AMMECR1: variants seen among roughly 807,000 people sequenced by gnomAD.
AMMECR1 encodes AMMECR nuclear protein 1, also known as nuclear protein AMMECR1.
AMMECR1 carries 3 observed loss-of-function variants against 22.5 expected under a neutral mutation model. The observed-to-expected ratio is 0.13, with a 90% CI of 0.06 to 0.35. The LOEUF is 0.35. Ranked by LOEUF, AMMECR1 falls within the 10% of genes least tolerant of loss-of-function variation. The pLI is 1.00. For missense variants in AMMECR1, 235 were observed against 278.7 expected, an observed-to-expected ratio of 0.84 and a Z score of 1.12; for synonymous variants, 130 against 116.7, an observed-to-expected ratio of 1.11 and a Z score of -0.74.
At chrX:110,379,662 A>G (rs1007336470) in intron 2 of AMMECR1, among the ~76,000 whole-genome samples, 43 of 112,388 alleles carry the variant, frequency 3.8e-4, no homozygotes, top group Admixed American at 1.1e-3. Context: ...ACACACATGC[A>G]CATGCACATG....
chrX:110,194,403 G>A lies in AMMECR1; in HGVS notation c.*4117C>T, dbSNP rs914279107. The A allele has an allele frequency of 5.4e-5, 6 of 111,634 alleles. No homozygotes were observed. The highest frequency in any genetic ancestry group is 2.0e-4 in the African/African-American group (6 of 30,661). 9.2% of individuals were successfully genotyped at this position (111,634 alleles called of 1,213,427 possible). On this transcript the variant is annotated 3_prime_UTR_variant, in exon 6 of 6. Transcript: ENST00000262844. ...ACTATTAAGCAATTAAATGTGGAAG[G>A]AAGGAGGGCCTAGTTATACTGGAAG... is the stretch of plus-strand genomic sequence containing the variant.
chrX:110,207,306 A>G (rs769631792), intron 3 of AMMECR1, among the ~76,000 whole-genome samples: 1 of 111,617 alleles, frequency 9.0e-6, no homozygotes, highest in Admixed American at 9.5e-5. Flanking sequence ...TCTTGAACTT[A>G]TTGCCCCACA....
At chrX:110,335,205 C>T (rs756733338) in intron 2 of AMMECR1, among the ~76,000 whole-genome samples, 81 of 111,651 alleles carry the variant, frequency 7.3e-4, no homozygotes, top group Non-Finnish European at 1.2e-3. Flanking sequence ...GTGCCTAACA[C>T]TGTGCATACC....
chrX:110,384,156 C>T (rs1244943858), intron 2 of AMMECR1, among the ~76,000 whole-genome samples: 5 of 111,346 alleles, frequency 4.5e-5, no homozygotes, highest in Admixed American at 9.6e-5. Context: ...TTTGCTGTGT[C>T]TGTGTCTTGT....
intron 1 of AMMECR1, among the ~76,000 whole-genome samples, chrX:110,431,738 T>C (rs1468391547): frequency 8.9e-6 from 1 of 111,852 alleles, no homozygotes; most frequent in African/African-American, 3.3e-5. Context: ...TTCTTTCTCA[T>C]ACGCCCTTGA....
At chrX:110,291,549 T>C (rs932961285) in intron 1 of AMMECR1, among the ~76,000 whole-genome samples, 1 of 110,124 alleles carries the variant, frequency 9.1e-6, no homozygotes, top group Non-Finnish European at 1.9e-5. Flanking sequence ...ACACAAAATA[T>C]ACAAGACCTA....
chrX:110,350,832 C>T (rs1425385859), intron 2 of AMMECR1, among the ~76,000 whole-genome samples: 2 of 109,701 alleles, frequency 1.8e-5, no homozygotes, highest in Non-Finnish European at 3.8e-5. Flanking sequence ...ATTAGCTGGG[C>T]ATGGTGGCAC....
chrX:110,345,479 G>C (rs1203464918), intron 2 of AMMECR1, among the ~76,000 whole-genome samples: 1 of 106,173 alleles, frequency 9.4e-6, no homozygotes. Flanking sequence ...ATGTACCCTA[G>C]AACTTAAAGT....
At chrX:110,278,560 C>A (rs143422598) in intron 1 of AMMECR1, among the ~76,000 whole-genome samples, 64 of 112,028 alleles carry the variant, frequency 5.7e-4, no homozygotes, top group Middle Eastern at 4.6e-3. Flanking sequence ...ATATAACTGC[C>A]TACTTCAAAG....
intron 2 of AMMECR1, among the ~76,000 whole-genome samples, chrX:110,350,428 T>C (rs969657470): frequency 1.8e-5 from 2 of 111,574 alleles, no homozygotes; most frequent in African/African-American, 3.3e-5. Context: ...TACCTAACAC[T>C]GTACTGGAAG....
Position 110,203,146 on chromosome X carries a change from A to C in AMMECR1, c.700-610T>G, listed in dbSNP as rs1053429100. Among the ~76,000 whole-genome samples, 3 of 111,694 alleles carry C rather than the reference A, an allele frequency of 2.7e-5. No individual in the cohort carries two copies. In the South Asian group the frequency reaches 1.1e-3, roughly 42 times the overall value. On this transcript the variant is annotated intron_variant, in intron 3 of 5. Transcript: ENST00000262844. Reference sequence around the variant, plus strand: ...TTATGACTTAGAGTGGGGTAGTAGCAGACCTTCACTGTCCATCTACACCAT... The same window carrying C: ...TTATGACTTAGAGTGGGGTAGTAGCCGACCTTCACTGTCCATCTACACCAT...
intron 2 of AMMECR1, among the ~76,000 whole-genome samples, chrX:110,392,817 C>T (rs1431722264): frequency 8.9e-6 from 1 of 111,896 alleles, no homozygotes. Context: ...ATATACTTTT[C>T]TTTGTGTTCC....
chrX:110,413,329 G>A (rs751939810), intron 2 of AMMECR1, among the ~76,000 whole-genome samples: 3 of 111,401 alleles, frequency 2.7e-5, no homozygotes, highest in African/African-American at 9.8e-5. Context: ...GCCCTCTAGT[G>A]GACACTGTCC....
At chrX:110,239,134 G>A (rs1023495915) in intron 2 of AMMECR1, among the ~76,000 whole-genome samples, 1 of 111,277 alleles carries the variant, frequency 9.0e-6, no homozygotes, top group Non-Finnish European at 1.9e-5. Context: ...AAACCAGAAC[G>A]CCTCTTCTCC....
rs200081881 is a variant in AMMECR1 at position 110,339,971 on chromosome X, CAT to C, written c.-147-22124_-147-22123del. On this transcript the variant is annotated intron_variant, in intron 2 of 7. Coordinates refer to the AMMECR1 transcript ENST00000372057. ...TTTTTTGCTGTAGTTGAAGGCAAAA[CAT>C]ACACACACACACACACACACACACA... Among the ~76,000 whole-genome samples the C allele has an allele frequency of 7.1e-3, 594 of 84,063 alleles. 9 individuals carry two copies. Among genetic ancestry groups the C allele is most frequent in the African/African-American group, 0.032 (556 of 17,468 alleles). The allele number at this position is 84,063 out of a possible 115,157, so 73.0% of individuals were successfully genotyped here. A position where few individuals can be genotyped will look rare whatever the true frequency, so the allele number is the denominator to read the frequency against.
chrX:110,329,498 A>C (rs2068112077), intron 2 of AMMECR1, among the ~76,000 whole-genome samples: 4 of 112,428 alleles, frequency 3.6e-5, no homozygotes, highest in Non-Finnish European at 1.9e-5. Flanking sequence ...ATCAAAGCAC[A>C]GCATTGTAGG....
chrX:110,209,114 A>G (rs1389964472), intron 3 of AMMECR1, among the ~76,000 whole-genome samples: 2 of 111,076 alleles, frequency 1.8e-5, no homozygotes, highest in African/African-American at 3.3e-5. Context: ...GGGCGGGGGG[A>G]AGAAATCACC....
intron 1 of AMMECR1, among the ~76,000 whole-genome samples, chrX:110,302,836 T>C (rs1180987420): frequency 9.1e-6 from 1 of 110,001 alleles, no homozygotes; most frequent in African/African-American, 3.3e-5. Flanking sequence ...ATCACGCCAT[T>C]GCACTCCAGT....
intron 2 of AMMECR1, among the ~76,000 whole-genome samples, chrX:110,364,506 G>T (rs996180): frequency 0.039 from 4,304 of 111,201 alleles, 208 homozygotes; most frequent in African/African-American, 0.13. Flanking sequence ...TCTTTATTTG[G>T]TTTCCTAAGT....
Sources: gnomAD v4.1 joint callset for allele counts (sites outside exome capture counted in the v4.1 genomes callset) on GRCh38, gnomAD v4.1.1 for gene constraint, MANE v1.5 for transcripts, NCBI Gene and HGNC (gene_info 2026-07-23, HGNC 2026-07-21) for gene names.